The following GSG1L variants were observed in gnomAD, a reference collection of about 807,000 sequenced individuals.
GSG1L encodes the protein germ cell-specific gene 1-like protein.
Under a neutral mutation model 42.1 loss-of-function variants are expected in GSG1L, and 24 were observed. That is an observed-to-expected ratio of 0.57 (90% CI 0.41 to 0.80). The LOEUF is 0.80. Ranked by LOEUF, GSG1L falls within the 30% of genes least tolerant of loss-of-function variation. GSG1L has a pLI of 0.00. For synonymous variants in GSG1L, 215 were observed against 203.5 expected, an observed-to-expected ratio of 1.06 and a Z score of -0.48; for missense variants, 445 against 472.2, an observed-to-expected ratio of 0.94 and a Z score of 0.53.
In GSG1L at chr16:27,926,506, T is replaced by TG. The variant is rs1178015156; in HGVS notation, c.397+36649dup. On this transcript the variant is annotated intron_variant, in intron 2 of 6. Coordinates refer to ENST00000447459, the MANE Select transcript of GSG1L (RefSeq NM_001109763.2). ...CAACATGGTGAAATCCTATCTGTGC[T>TG]GAAAAAAAAAAAACAAAAAAACAAA... 4.6e-5 allele frequency among the ~76,000 whole-genome samples: 6 copies of TG among 129,096 alleles called. No individual in the cohort carries two copies. In the Admixed American group the frequency reaches 4.7e-4, roughly 10 times the overall value. 84.7% of individuals were successfully genotyped at this position (129,096 alleles called of 152,430 possible). A position where few individuals can be genotyped will look rare whatever the true frequency, so the allele number is the denominator to read the frequency against.
At chr16:27,869,378 C>G (rs2083773225) in intron 3 of GSG1L, among the ~76,000 whole-genome samples, 1 of 151,584 alleles carries the variant, frequency 6.6e-6, no homozygotes, top group Non-Finnish European at 1.5e-5. Context: ...GGCCCATTTG[C>G]TGCTGTTTGC....
intron 3 of GSG1L, among the ~76,000 whole-genome samples, chr16:27,865,015 G>C (rs2083697276): frequency 6.6e-6 from 1 of 152,212 alleles, no homozygotes; most frequent in African/African-American, 2.4e-5. Context: ...TGGTTTGGGA[G>C]ACAGGTTTGT....
At chr16:27,992,091 T>C (rs2085463666) in intron 1 of GSG1L, among the ~76,000 whole-genome samples, 1 of 152,166 alleles carries the variant, frequency 6.6e-6, no homozygotes. Context: ...GCCTGTGGCA[T>C]AGATGACCCT....
intron 2 of GSG1L, among the ~76,000 whole-genome samples, chr16:27,943,399 A>G (rs867404492): frequency 2.0e-5 from 3 of 152,012 alleles, no homozygotes; most frequent in African/African-American, 7.2e-5. Context: ...CATAACAATG[A>G]AAAGAAATAA....
chr16:27,984,948 G>A (rs530735545), intron 1 of GSG1L, among the ~76,000 whole-genome samples: 39 of 152,078 alleles, frequency 2.6e-4, no homozygotes, highest in South Asian at 1.7e-3. Context: ...TGTAGAGATG[G>A]GGTTTTGCCA....
intron 6 of GSG1L, among the ~76,000 whole-genome samples, chr16:27,802,526 C>T (rs943026713): frequency 2.0e-5 from 3 of 152,122 alleles, no homozygotes; most frequent in Non-Finnish European, 4.4e-5. Context: ...GTCTCAGGCT[C>T]TTTTCTTCCC....
At chr16:27,962,457 G>A (rs925671793) in intron 2 of GSG1L, among the ~76,000 whole-genome samples, 1 of 152,232 alleles carries the variant, frequency 6.6e-6, no homozygotes, top group Non-Finnish European at 1.5e-5. Context: ...AGAGTGGCAG[G>A]GGCCAGGATC....
intron 2 of GSG1L, among the ~76,000 whole-genome samples, chr16:27,904,558 C>T (rs970443541): frequency 7.2e-5 from 11 of 152,108 alleles, no homozygotes; most frequent in African/African-American, 2.7e-4. Context: ...TCCATAAATC[C>T]CTCTAATGTT....
chr16:28,026,402 G>C (rs1171507688), intron 1 of GSG1L, among the ~76,000 whole-genome samples: 1 of 152,196 alleles, frequency 6.6e-6, no homozygotes, highest in Non-Finnish European at 1.5e-5. Flanking sequence ...ACATCAGCGA[G>C]GGACCTCAGC....
intron 6 of GSG1L, among the ~76,000 whole-genome samples, chr16:27,794,798 C>A (rs945863795): frequency 1.3e-5 from 2 of 152,152 alleles, no homozygotes; most frequent in African/African-American, 4.8e-5. Context: ...TGTCTTCGTT[C>A]CATGATTCTG....
intron 5 of GSG1L, among the ~76,000 whole-genome samples, chr16:27,808,388 T>C (rs2082992635): frequency 6.6e-6 from 1 of 151,784 alleles, no homozygotes; most frequent in Non-Finnish European, 1.5e-5. Flanking sequence ...TGCTCAGCTC[T>C]GGGAAGCATT....
Position 28,059,811 on chromosome 16 carries a change from CTCT to C in GSG1L, c.349+3262_349+3264del, listed in dbSNP as rs2086320809. Reference sequence around the variant, plus strand: ...TTCTGTTTGTGGAAGGACGCGGGTGCTCTTCTTGGAGCAAGGAGAAAAGGTTTC... The same window carrying C: ...TTCTGTTTGTGGAAGGACGCGGGTGCTCTTGGAGCAAGGAGAAAAGGTTTC... On this transcript the variant is annotated intron_variant, in intron 1 of 6. Transcript: ENST00000447459. The surrounding 1 kb of genome is among the most constrained non-coding windows in gnomAD (Gnocchi z 4.4). Among the ~76,000 whole-genome samples the C allele has an allele frequency of 6.6e-6, 1 of 152,230 alleles. No homozygotes were observed. The highest frequency in any genetic ancestry group is 1.5e-5 in the Non-Finnish European group (1 of 68,054).
At chr16:27,946,602 AG>A (rs1567529814) in intron 2 of GSG1L, among the ~76,000 whole-genome samples, 663 of 6,862 alleles carry the variant, frequency 0.097, 23 homozygotes, top group African/African-American at 0.28. Context: ...AGAGAGAGAG[AG>A]AGAGAGAGAG....
intron 2 of GSG1L, among the ~76,000 whole-genome samples, chr16:27,941,854 C>T (rs1364115796): frequency 2.6e-5 from 4 of 152,092 alleles, no homozygotes; most frequent in South Asian, 2.1e-4. Context: ...AAACCAGACA[C>T]GCAAATACTG....
At chr16:27,932,450 A>G (rs2084667375) in intron 2 of GSG1L, among the ~76,000 whole-genome samples, 1 of 152,148 alleles carries the variant, frequency 6.6e-6, no homozygotes, top group Admixed American at 6.5e-5. Flanking sequence ...GAAACTTACA[A>G]TCATAGCAAA....
rs182794066 is a variant in GSG1L, at chr16:27,792,890, G to A, written c.899-1423C>T. ...CAGAGGTAGTTCTGCCCATTTTACA[G>A]ATGAGGGAGCCGAGGCTCTGTAAGG... On this transcript the variant is annotated intron_variant, in intron 6 of 6. Coordinates refer to ENST00000447459, the MANE Select transcript of GSG1L (RefSeq NM_001109763.2). Among the ~76,000 whole-genome samples, 16 of 152,368 alleles carry A rather than the reference G, an allele frequency of 1.1e-4. No homozygotes were observed. In the East Asian group the frequency reaches 3.1e-3, roughly 29 times the overall value.
chr16:27,872,114 A>G (rs796582512), intron 3 of GSG1L, among the ~76,000 whole-genome samples: 14 of 152,308 alleles, frequency 9.2e-5, no homozygotes, highest in African/African-American at 2.9e-4. Context: ...TGAGCTCTGA[A>G]GTTCACCTCT....
At chr16:27,866,525 C>G (rs936057392) in intron 3 of GSG1L, among the ~76,000 whole-genome samples, 1 of 152,186 alleles carries the variant, frequency 6.6e-6, no homozygotes, top group Admixed American at 6.5e-5. Context: ...CACACCTGAG[C>G]AATCTGCCCT....
intron 3 of GSG1L, among the ~76,000 whole-genome samples, chr16:27,857,640 C>G (rs2083596139): frequency 6.6e-6 from 1 of 151,998 alleles, no homozygotes. Context: ...CCCGGGGAAG[C>G]CTATCTTAAT....
Sources: gnomAD v4.1 joint callset for allele counts (sites outside exome capture counted in the v4.1 genomes callset) on GRCh38, gnomAD v4.1.1 for gene constraint, Gnocchi (gnomAD v3.1) non-coding constraint, MANE v1.5 for transcripts, NCBI Gene and HGNC (gene_info 2026-07-23, HGNC 2026-07-21) for gene names.